ARL13B: variants seen among roughly 807,000 people sequenced by gnomAD.
ARL13B encodes ADP-ribosylation factor-like protein 13B.
Under a neutral mutation model 56.1 loss-of-function variants are expected in ARL13B, and 36 were observed. The observed-to-expected ratio is 0.64, with a 90% CI of 0.49 to 0.85. ARL13B has a LOEUF of 0.85. Among genes scored for constraint, ARL13B ranks in the 40% least tolerant of loss-of-function variants. The probability of loss-of-function intolerance (pLI) is 0.00; values close to 1 mark genes in which losing one functional copy is unlikely to be tolerated. For missense variants in ARL13B, 519 were observed against 507.1 expected (o/e 1.02, Z -0.23); for synonymous variants, 178 against 171.1 (o/e 1.04, Z -0.32).
At chr3:94,044,374 G>T (rs1201652052) in intron 7 of ARL13B, among the ~76,000 whole-genome samples, 1 of 141,628 alleles carries the variant, frequency 7.1e-6, no homozygotes, top group Non-Finnish European at 1.5e-5. Context: ...GAGCGTCTCT[G>T]CCCAGCCGCC....
chr3:93,998,945 C>A lies in ARL13B; in HGVS notation c.130+3001C>A, dbSNP rs1227188849. Among the ~76,000 whole-genome samples, 5 of 148,454 alleles carry A rather than the reference C, an allele frequency of 3.4e-5. No individual in the cohort carries two copies. In the South Asian group the frequency reaches 1.1e-3, roughly 31 times the overall value. On this transcript the variant is annotated intron_variant, in intron 2 of 9. Transcript: ENST00000394222. ...GCCTTCTTTTTTTTTTTTTTATTTCCGTGTGAAATTGAGAAAAAGTTATCT... is the reference window on the plus strand; with the variant it reads ...GCCTTCTTTTTTTTTTTTTTATTTCAGTGTGAAATTGAGAAAAAGTTATCT...
intron 3 of ARL13B, among the ~76,000 whole-genome samples, chr3:94,023,836 T>C (rs2076501022): frequency 6.6e-6 from 1 of 152,182 alleles, no homozygotes; most frequent in Non-Finnish European, 1.5e-5. Context: ...AGAAAAAATT[T>C]AGCAGGAGAT....
At chr3:94,018,091 T>C (rs1244652443) in intron 3 of ARL13B, among the ~76,000 whole-genome samples, 1 of 152,158 alleles carries the variant, frequency 6.6e-6, no homozygotes, top group Non-Finnish European at 1.5e-5. Flanking sequence ...GATACAGGGG[T>C]GTCCCTATGT....
intron 5 of ARL13B, 48 bp downstream of exon 5, chr3:94,036,802 A>T: frequency 6.4e-7 from 1 of 1,553,830 alleles, no homozygotes; most frequent in Non-Finnish European, 8.8e-7. Flanking sequence ...GATCAAAAAC[A>T]TAACAATTTT....
At chr3:94,031,023 A>T (rs561161594) in intron 3 of ARL13B, among the ~76,000 whole-genome samples, 16 of 152,154 alleles carry the variant, frequency 1.1e-4, no homozygotes, top group East Asian at 3.9e-4. Flanking sequence ...ATAATTTTTT[A>T]AAAAAAGAAC....
At chr3:94,048,902 G>T (rs369131640) in intron 7 of ARL13B, among the ~76,000 whole-genome samples, 1 of 152,028 alleles carries the variant, frequency 6.6e-6, no homozygotes, top group African/African-American at 2.4e-5. Context: ...TAGCCTTGTA[G>T]GGGTTATTTT....
intron 5 of ARL13B, 106 bp from the exon 6 acceptor site, chr3:94,039,774 A>G (rs1244500984): frequency 1.1e-6 from 1 of 922,556 alleles, no homozygotes; most frequent in Non-Finnish European, 1.7e-6. Flanking sequence ...CCATGTCCAG[A>G]TGTTTAAATT....
intron 7 of ARL13B, among the ~76,000 whole-genome samples, chr3:94,045,930 A>G (rs1260794885): frequency 6.8e-6 from 1 of 148,118 alleles, no homozygotes; most frequent in African/African-American, 2.5e-5. Flanking sequence ...CAGCCTGGGC[A>G]ACAGAGCAAG....
intron 3 of ARL13B, among the ~76,000 whole-genome samples, chr3:94,024,189 G>T (rs2076508059): frequency 6.6e-6 from 1 of 152,084 alleles, no homozygotes; most frequent in African/African-American, 2.4e-5. Flanking sequence ...GGCTGGTCTT[G>T]AACTCCTAGC....
intron 1 of ARL13B, among the ~76,000 whole-genome samples, chr3:93,992,936 G>A (rs1335537894): frequency 2.0e-5 from 3 of 151,602 alleles, no homozygotes; most frequent in Non-Finnish European, 4.4e-5. Flanking sequence ...TGGGACTACA[G>A]GCGTGCGCTG....
intron 1 of ARL13B, among the ~76,000 whole-genome samples, chr3:93,985,938 T>G (rs1412474656): frequency 6.6e-6 from 1 of 152,202 alleles, no homozygotes; most frequent in African/African-American, 2.4e-5. Flanking sequence ...TGCTATGAAC[T>G]TTTTCACTGA....
chr3:94,047,998 AG>A (rs2077008442), intron 7 of ARL13B: 1 of 139,680 alleles, frequency 7.2e-6, no homozygotes, highest in Non-Finnish European at 1.6e-5. Flanking sequence ...TACATTGCAT[AG>A]ACACACACAC....
intron 3 of ARL13B, among the ~76,000 whole-genome samples, chr3:94,030,626 T>C (rs1210866024): frequency 6.6e-6 from 1 of 152,062 alleles, no homozygotes; most frequent in East Asian, 1.9e-4. Context: ...TAGGTATATA[T>C]CTAGGTGATG....
intron 3 of ARL13B, among the ~76,000 whole-genome samples, chr3:94,022,883 G>T (rs2076478685): frequency 6.6e-6 from 1 of 151,826 alleles, no homozygotes; most frequent in Non-Finnish European, 1.5e-5. Flanking sequence ...GCTTAATTTT[G>T]TACATACATC....
At chr3:94,035,570 C>A in intron 4 of ARL13B, 134 bp downstream of exon 4, 1 of 624,742 alleles carries the variant, frequency 1.6e-6, no homozygotes, top group Non-Finnish European at 2.8e-6. Flanking sequence ...TATGAAATCA[C>A]ATTCCCATTT....
rs78286765 is a variant in ARL13B, at chr3:94,053,028, G to A, written c.1211-159G>A. ...CCATCTCTTAAGATTTAAAATGCAC[G>A]AGAGAGAAGGAAATCTTTTAGAGAG... On this transcript the variant is annotated intron_variant, in intron 9 of 9. Coordinates refer to ENST00000394222, the MANE Select transcript of ARL13B (RefSeq NM_001174150.2). Among the ~76,000 whole-genome samples, 629 of 152,190 alleles carry A rather than the reference G, an allele frequency of 4.1e-3. 3 individuals are homozygous for A. Among genetic ancestry groups the A allele is most frequent in the East Asian group, 0.024 (122 of 5,178 alleles).
intron 4 of ARL13B, 99 bp downstream of exon 4, chr3:94,035,535 T>C (rs1335909579): frequency 3.8e-6 from 3 of 799,922 alleles, no homozygotes; most frequent in Non-Finnish European, 6.0e-6. Flanking sequence ...TAAAAGGCAA[T>C]GTTTTCAAAG....
intron 1 of ARL13B, among the ~76,000 whole-genome samples, 199 bp from the exon 2 acceptor site, chr3:93,995,675 A>T (rs1442491739): frequency 6.6e-6 from 1 of 152,148 alleles, no homozygotes; most frequent in Non-Finnish European, 1.5e-5. Flanking sequence ...GAACAAAAGG[A>T]TGATCCTTTA....
chr3:93,984,733 A>C (rs1434036947), intron 1 of ARL13B, among the ~76,000 whole-genome samples: 1 of 152,144 alleles, frequency 6.6e-6, no homozygotes, highest in Non-Finnish European at 1.5e-5. Flanking sequence ...AAAATGTTTG[A>C]ATTCAGGCTG....
Sources: allele counts gnomAD v4.1 joint callset (sites outside exome capture counted in the v4.1 genomes callset), GRCh38; gene constraint gnomAD v4.1.1; transcripts MANE v1.5; gene names NCBI Gene and HGNC (gene_info 2026-07-23, HGNC 2026-07-21).